Variants in FAM161B observed in about 807,000 individuals in gnomAD.
FAM161B encodes FAM161 centrosomal protein B.
A neutral mutation model predicts 61.5 loss-of-function variants in FAM161B; 46 were observed. That is an observed-to-expected ratio of 0.75 (90% confidence interval 0.59 to 0.96). The LOEUF is 0.96. Among genes scored for constraint, FAM161B ranks in the 40% least tolerant of loss-of-function variants. The pLI is 0.00. For missense variants in FAM161B, 774 were observed against 800.7 expected (o/e 0.97, Z 0.40); for synonymous variants, 284 against 302.7 (o/e 0.94, Z 0.64).
In FAM161B at chr14:73,938,211, C is replaced by A. The variant is rs574968367; in HGVS notation, c.1401-99G>T. On this transcript the variant is annotated intron_variant, in intron 5 of 8. Coordinates refer to ENST00000286544, the MANE Select transcript of FAM161B (RefSeq NM_152445.3). ...TGGTGGCTCACACTTGTAGTCCTAGCACTTTGGGAGGCCAAGGCAGGTGGA... is the reference window on the plus strand; with the variant it reads ...TGGTGGCTCACACTTGTAGTCCTAGAACTTTGGGAGGCCAAGGCAGGTGGA... The A allele has an allele frequency of 4.2e-6, 6 of 1,434,970 alleles. No homozygotes were observed. In the African/African-American group the frequency reaches 8.5e-5, roughly 20 times the overall value. 88.9% of individuals were successfully genotyped at this position (1,434,970 alleles called of 1,614,324 possible).
chr14:73,930,840 G>T (rs2055901216), downstream of FAM161B, among the ~76,000 whole-genome samples: 1 of 151,802 alleles, frequency 6.6e-6, no homozygotes, highest in South Asian at 2.1e-4. Flanking sequence ...GTCTCAAGCA[G>T]TTCTCCTGCC....
At chr14:73,937,859 A>G in intron 6 of FAM161B, 89 bp downstream of exon 6, 2 of 1,583,874 alleles carry the variant, frequency 1.3e-6, no homozygotes, top group Admixed American at 1.8e-5. Context: ...ACCTACCTCG[A>G]TAACTCTATT....
chr14:73,938,920 C>T (rs2055994626), intron 5 of FAM161B, among the ~76,000 whole-genome samples: 1 of 152,194 alleles, frequency 6.6e-6, no homozygotes, highest in Non-Finnish European at 1.5e-5. Flanking sequence ...AATGCACTGG[C>T]AGATGAAGCC....
At position 73,934,362 on chromosome 14, in the gene FAM161B, T is replaced by C; in HGVS notation, c.1838A>G (p.Asp613Gly). The change falls in exon 9 of 9, where the codon GAT (aspartate) becomes GGT (glycine). Residue 613 changes from aspartate (D) to glycine (G), a missense_variant. Transcript: ENST00000286544. ...FQETTKLSIR[D>G]PEQGLEGSLE... ...AGATCCTTCTAAACCCTGCTCTGGA[T>C]CTCTGATGCTGAGTTTTGTAGTTTC... 1 of 1,613,352 alleles carries C rather than the reference T, an allele frequency of 6.2e-7. No homozygotes were observed. The highest frequency in any genetic ancestry group is 8.5e-7 in the Non-Finnish European group (1 of 1,179,842).
chr14:73,931,502 G>T, downstream of FAM161B: 1 of 1,606,410 alleles, frequency 6.2e-7, no homozygotes, highest in Non-Finnish European at 8.5e-7. Context: ...ATCTTTTACA[G>T]TTACTAAACC....
chr14:73,942,800 G>T, intron 3 of FAM161B, 85 bp from the exon 4 acceptor site: 1 of 1,244,656 alleles, frequency 8.0e-7, no homozygotes, highest in Non-Finnish European at 1.1e-6. Flanking sequence ...TTACACACTA[G>T]CTGTAAGTGT....
intron 4 of FAM161B, among the ~76,000 whole-genome samples, chr14:73,941,457 G>C (rs1239492543): frequency 1.3e-5 from 2 of 152,068 alleles, no homozygotes; most frequent in African/African-American, 4.8e-5. Context: ...CTTCACTGAA[G>C]GACTGAAAAT....
rs745843377 is a variant in FAM161B, at chr14:73,942,646, G to A, written c.995C>T (p.Pro332Leu). ...ALDMLQMASS[P>L]IASSSNRANP... ...AGCCCGGTTACTAGAGGAGGCGATA[G>A]GGGAAGAGGCCATCTGGAGCATGTC... Residue 332 changes from proline (P) to leucine (L), a missense_variant, in exon 4 of 9, where the codon CCT becomes CTT. Pro to Leu is a moderately conservative substitution (Grantham distance 98). Coordinates refer to ENST00000286544, the MANE Select transcript of FAM161B (RefSeq NM_152445.3). 12 of 1,614,106 alleles carry A rather than the reference G, an allele frequency of 7.4e-6. No homozygotes were observed. In the South Asian group the frequency reaches 9.9e-5, roughly 13 times the overall value.
At chr14:73,936,667 T>C (rs1445317211) in intron 7 of FAM161B, among the ~76,000 whole-genome samples, 2 of 152,190 alleles carry the variant, frequency 1.3e-5, no homozygotes, top group East Asian at 3.8e-4. Context: ...TTGCTTAACA[T>C]TAACATAAAG....
chr14:73,949,820 T>G, intron 1 of FAM161B, 153 bp downstream of exon 1: 1 of 1,096,194 alleles, frequency 9.1e-7, no homozygotes. Flanking sequence ...GAGGTTCAGG[T>G]CTGTAAGTCA....
intron 7 of FAM161B, among the ~76,000 whole-genome samples, chr14:73,936,879 G>A (rs1229615397): frequency 6.6e-6 from 1 of 152,162 alleles, no homozygotes. Context: ...TGAAACTGGA[G>A]AGGAAAGAGA....
chr14:73,943,457 C>G (rs1032450336), intron 3 of FAM161B, among the ~76,000 whole-genome samples: 1 of 152,164 alleles, frequency 6.6e-6, no homozygotes, highest in African/African-American at 2.4e-5. Context: ...GACTCGCCAA[C>G]GTGGCTTGCA....
At chr14:73,948,873 A>C (rs1804107084) in intron 1 of FAM161B, among the ~76,000 whole-genome samples, 1 of 151,630 alleles carries the variant, frequency 6.6e-6, no homozygotes, top group African/African-American at 2.4e-5. Context: ...GCACTTTGGG[A>C]GGCCTTGGCT....
At chr14:73,939,094 C>T (rs981746911) in intron 5 of FAM161B, among the ~76,000 whole-genome samples, 8 of 151,940 alleles carry the variant, frequency 5.3e-5, no homozygotes, top group African/African-American at 1.5e-4. Flanking sequence ...GTCAGGAGTT[C>T]GAGACCAGCC....
At chr14:73,943,115 G>A (rs1210571765) in intron 3 of FAM161B, among the ~76,000 whole-genome samples, 1 of 152,088 alleles carries the variant, frequency 6.6e-6, no homozygotes, top group African/African-American at 2.4e-5. Flanking sequence ...TTCCCCATCT[G>A]AGAGAAAGGC....
Position 73,937,679 on chromosome 14 carries a change from T to C in FAM161B, c.1588A>G (p.Lys530Glu), listed in dbSNP as rs774451807. 10 of 1,614,026 alleles carry C rather than the reference T, an allele frequency of 6.2e-6. No individual in the cohort carries two copies. The highest frequency in any genetic ancestry group is 8.5e-6 in the Non-Finnish European group (10 of 1,180,048). Residue 530 changes from lysine to glutamate, a missense_variant, in exon 7 of 9, where the codon AAA (lysine) becomes GAA (glutamate). Physicochemically the swap from Lys to Glu is moderately conservative, Grantham distance 56. Transcript: ENST00000286544. ...TCCTCCAGTTCTTTCTTATATTCTT[T>C]CGCTCTTTTACGGTCATTGTTCCTG... ...ENRNNDRKRA[K>E]EYKKELEEMK...
At chr14:73,941,164 C>T (rs1346325283) in intron 4 of FAM161B, 111 bp from the exon 5 acceptor site, 6 of 1,326,678 alleles carry the variant, frequency 4.5e-6, no homozygotes, top group Non-Finnish European at 5.9e-6. Context: ...TTTGCCCAGG[C>T]TGGAGTGCAG....
chr14:73,935,960 CTTGAT>C lies in FAM161B; in HGVS notation c.1789_1793del (p.Ile597GlyfsTer63). ...ACATTTCAGGTTACCTGGGAAAATC[CTTGAT>C]TTTGGTCTCTTTCTCTTGAACAGCC... On this transcript the variant is annotated frameshift_variant, in exon 8 of 9. Transcript: ENST00000286544. LOFTEE classifies it low-confidence loss of function (END_TRUNC). 6.2e-7 allele frequency: 1 copy of C among 1,606,964 alleles called. No individual in the cohort carries two copies.
chr14:73,940,580 C>T (rs1292913696), intron 5 of FAM161B, among the ~76,000 whole-genome samples: 1 of 152,176 alleles, frequency 6.6e-6, no homozygotes, highest in Non-Finnish European at 1.5e-5. Context: ...AGTGCCCTCA[C>T]AGTCCCCTTT....
Sources: allele counts gnomAD v4.1 joint callset (sites outside exome capture counted in the v4.1 genomes callset), GRCh38; gene constraint gnomAD v4.1.1; transcripts MANE v1.5; gene names NCBI Gene and HGNC (gene_info 2026-07-23, HGNC 2026-07-21).